The following ZNF407 variants were observed in gnomAD, a reference collection of about 807,000 sequenced individuals.
ZNF407 encodes the protein zinc finger protein 407.
ZNF407 carries 17 observed loss-of-function variants against 131.2 expected under a neutral mutation model. That is an observed-to-expected ratio of 0.13 (90% CI 0.09 to 0.19). The LOEUF is 0.19. Ranked by LOEUF, ZNF407 falls within the 10% of genes least tolerant of loss-of-function variation. The probability of loss-of-function intolerance (pLI) is 1.00; values close to 1 mark genes in which losing one functional copy is unlikely to be tolerated. For synonymous variants in ZNF407, 1,156 were observed against 1,062.0 expected, an observed-to-expected ratio of 1.09 and a Z score of -1.72; for missense variants, 2,681 against 2,830.6, an observed-to-expected ratio of 0.95 and a Z score of 1.20.
intron 8 of ZNF407, among the ~76,000 whole-genome samples, chr18:74,945,229 G>C (rs1568278842): frequency 6.6e-6 from 1 of 152,102 alleles, no homozygotes; most frequent in Non-Finnish European, 1.5e-5. Flanking sequence ...TTAAAAGCGG[G>C]AGTTGGACTT....
chr18:75,016,718 T>C (rs1349484866), intron 8 of ZNF407, among the ~76,000 whole-genome samples: 2 of 152,202 alleles, frequency 1.3e-5, no homozygotes, highest in Non-Finnish European at 2.9e-5. Context: ...GGTGTAGTTA[T>C]AAAATTACAC....
chr18:74,615,600 T>C (rs1181625616), intron 1 of ZNF407, among the ~76,000 whole-genome samples: 1 of 152,250 alleles, frequency 6.6e-6, no homozygotes, highest in Non-Finnish European at 1.5e-5. Flanking sequence ...GTTCTAGCAC[T>C]GTATCCAAAT....
chr18:74,785,257 A>G (rs952389351), intron 4 of ZNF407, among the ~76,000 whole-genome samples: 2 of 152,092 alleles, frequency 1.3e-5, no homozygotes, highest in African/African-American at 4.8e-5. Flanking sequence ...CATTTTTGTT[A>G]GCATAGCTGT....
At position 75,006,244 on chromosome 18, in the gene ZNF407, G is replaced by A. The variant is rs535685439; in HGVS notation, c.5429-56906G>A. Among the ~76,000 whole-genome samples, 6 of 152,248 alleles carry A rather than the reference G, an allele frequency of 3.9e-5. No homozygotes were observed. The East Asian group carries it at 1.2e-3, about 29-fold the overall frequency. On this transcript the variant is annotated intron_variant, in intron 8 of 8. Coordinates refer to ENST00000299687, the MANE Select transcript of ZNF407 (RefSeq NM_017757.3). ...TGTCCTTTCAAAATGACAGCTTTTAGATGTATTGATCTTTCCTATTATATC... is the reference window on the plus strand; with the variant it reads ...TGTCCTTTCAAAATGACAGCTTTTAAATGTATTGATCTTTCCTATTATATC...
intron 3 of ZNF407, among the ~76,000 whole-genome samples, chr18:74,656,083 T>C (rs188287939): frequency 6.6e-6 from 1 of 152,292 alleles, no homozygotes; most frequent in East Asian, 1.9e-4. Flanking sequence ...TTGCTGCTTC[T>C]GTATACATTT....
intron 8 of ZNF407, among the ~76,000 whole-genome samples, chr18:74,993,789 A>AC (rs1972746511): frequency 6.6e-6 from 1 of 152,236 alleles, no homozygotes; most frequent in African/African-American, 2.4e-5. Flanking sequence ...CAAATGGTGA[A>AC]CACTCCTTTG....
intron 8 of ZNF407, among the ~76,000 whole-genome samples, chr18:74,967,138 C>T (rs2145298872): frequency 6.6e-6 from 1 of 152,188 alleles, no homozygotes; most frequent in African/African-American, 2.4e-5. Context: ...CTTGTGATCC[C>T]AGCTACTCCG....
chr18:74,764,686 T>TG (rs1729464651), intron 3 of ZNF407, among the ~76,000 whole-genome samples: 1 of 152,174 alleles, frequency 6.6e-6, no homozygotes, highest in Non-Finnish European at 1.5e-5. Flanking sequence ...TTGAACAATG[T>TG]GGAAGTGAGG....
intron 4 of ZNF407, among the ~76,000 whole-genome samples, chr18:74,782,997 A>T (rs1969636071): frequency 6.6e-6 from 1 of 152,206 alleles, no homozygotes. Context: ...CTTGAAATTT[A>T]AAAGCATACT....
At chr18:74,914,363 C>T (rs1971717344) in intron 7 of ZNF407, among the ~76,000 whole-genome samples, 1 of 152,178 alleles carries the variant, frequency 6.6e-6, no homozygotes, top group African/African-American at 2.4e-5. Flanking sequence ...GATTCGGTAG[C>T]TTTTCTCTGT....
intron 8 of ZNF407, among the ~76,000 whole-genome samples, chr18:74,993,410 C>T (rs1972742099): frequency 6.6e-6 from 1 of 152,194 alleles, no homozygotes. Flanking sequence ...TCTGCAGTTC[C>T]ACTCATTTCC....
At chr18:75,058,423 T>C (rs1973586854) in intron 8 of ZNF407, among the ~76,000 whole-genome samples, 1 of 152,214 alleles carries the variant, frequency 6.6e-6, no homozygotes. Context: ...GGCACGAGGC[T>C]GCATTTTAAT....
intron 3 of ZNF407, among the ~76,000 whole-genome samples, chr18:74,746,817 A>G (rs1157763284): frequency 6.6e-6 from 1 of 152,130 alleles, no homozygotes; most frequent in Non-Finnish European, 1.5e-5. Context: ...TAAAAGGAGT[A>G]CACTCTAAAG....
In ZNF407 at chr18:75,063,416, G is replaced by T. The variant is rs1272111476; in HGVS notation, c.5695G>T (p.Val1899Leu). 3 of 1,610,068 alleles carry T rather than the reference G, an allele frequency of 1.9e-6. No homozygotes were observed. The African/African-American group carries it at 4.0e-5, about 22-fold the overall frequency. Residue 1899 changes from valine to leucine, a missense_variant, in exon 9 of 9, where the codon GTG (valine) becomes TTG (leucine). Transcript: ENST00000299687. This position sits in a 1 kb window ranked among gnomAD's most constrained non-coding sequence, Gnocchi z 6.6. The part of the protein sequence containing the change: ...TLQTLAMAGQ[V>L]ARVVHITEDG... ...GCAGACGCTGGCCATGGCCGGCCAG[G>T]TGGCCCGGGTGGTGCATATCACGGA...
chr18:74,656,592 G>A (rs1007985144), intron 3 of ZNF407, among the ~76,000 whole-genome samples: 1 of 152,102 alleles, frequency 6.6e-6, no homozygotes, highest in East Asian at 1.9e-4. Context: ...TGTATGAGAT[G>A]CCCTAGGGAG....
intron 3 of ZNF407, among the ~76,000 whole-genome samples, chr18:74,758,366 G>A (rs1347925149): frequency 6.6e-6 from 1 of 152,090 alleles, no homozygotes; most frequent in Non-Finnish European, 1.5e-5. Flanking sequence ...AGGGATGACA[G>A]TGAACATCTT....
At position 75,064,288 on chromosome 18, in the gene ZNF407, C is replaced by T. The variant is rs757174772; in HGVS notation, c.6567C>T (p.Thr2189=). ...VQDEPGLYSH[T]VLETADSQEL... Reference sequence around the variant, plus strand: ...ACGAGCCGGGCCTGTACTCCCACACCGTGCTGGAGACTGCGGACTCGCAGG... The same window carrying T: ...ACGAGCCGGGCCTGTACTCCCACACTGTGCTGGAGACTGCGGACTCGCAGG... Residue 2189 remains threonine (T), a synonymous_variant, in exon 9 of 9, where the codon ACC becomes ACT. Transcript: ENST00000299687. The T allele has an allele frequency of 2.5e-5, 40 of 1,602,846 alleles. No homozygotes were observed. The highest frequency in any genetic ancestry group is 2.2e-4 in the East Asian group (10 of 44,578).
intron 1 of ZNF407, 60 bp downstream of exon 1, chr18:74,597,997 C>T (rs1350917316): frequency 6.6e-6 from 1 of 151,794 alleles, no homozygotes; most frequent in Admixed American, 6.6e-5. Flanking sequence ...AGCGTCAGCG[C>T]GGGGCCTGGG....
intron 3 of ZNF407, among the ~76,000 whole-genome samples, chr18:74,755,870 T>C: frequency 9.2e-6 from 1 of 108,150 alleles, no homozygotes; most frequent in Non-Finnish European, 1.8e-5. Context: ...CCTTCCTTCC[T>C]TCCTCTTTTC....
Sources: gnomAD v4.1 joint callset for allele counts (sites outside exome capture counted in the v4.1 genomes callset) on GRCh38, gnomAD v4.1.1 for gene constraint, Gnocchi (gnomAD v3.1) non-coding constraint, MANE v1.5 for transcripts, NCBI Gene and HGNC (gene_info 2026-07-23, HGNC 2026-07-21) for gene names.